RGS16: variants seen among roughly 807,000 people sequenced by gnomAD.
RGS16 encodes the protein regulator of G protein signaling 16.
In RGS16, 12 loss-of-function variants were observed where a neutral mutation model predicts 18.1. The ratio of observed to expected loss-of-function variants is 0.66; its 90% CI spans 0.42 to 1.07. The LOEUF (loss-of-function observed/expected upper bound fraction) is 1.07, where lower values mean the gene tolerates loss of function less well. Ranked by LOEUF, RGS16 falls within the 50% of genes least tolerant of loss-of-function variation. The probability of loss-of-function intolerance (pLI) is 0.00; values close to 1 mark genes in which losing one functional copy is unlikely to be tolerated. For missense variants in RGS16, 238 were observed against 249.2 expected (o/e 0.95, Z 0.30); for synonymous variants, 88 against 102.0 (o/e 0.86, Z 0.83).
In RGS16 at chr1:182,598,760, C is replaced by T. The variant is rs948477582; in HGVS notation, c.*1532G>A. The stretch of plus-strand genomic sequence containing the variant: ...TAAATATTTAAACAGTGAGGAGTTC[C>T]TGACAGGCTCCAAGAGGTTCCCAGC... On this transcript the variant is annotated 3_prime_UTR_variant, in exon 5 of 5. Transcript: ENST00000367558. 8 of 152,740 alleles carry T rather than the reference C, an allele frequency of 5.2e-5. No homozygotes were observed. In the East Asian group the frequency reaches 1.3e-3, roughly 26 times the overall value. 9.5% of individuals were successfully genotyped at this position (152,740 alleles called of 1,614,324 possible).
chr1:182,601,944 C>G (rs1227307567), intron 4 of RGS16, 22 bp downstream of exon 4: 2 of 1,613,936 alleles, frequency 1.2e-6, no homozygotes, highest in Non-Finnish European at 1.7e-6. Context: ...TGAGGATTCA[C>G]TGGGCATATG....
chr1:182,603,171 A>ATGAC, intron 2 of RGS16, 58 bp downstream of exon 2: 1 of 1,261,836 alleles, frequency 7.9e-7, no homozygotes, highest in Non-Finnish European at 1.2e-6. Context: ...TTCCCTCCTC[A>ATGAC]TGACTCCCTT....
intron 1 of RGS16, among the ~76,000 whole-genome samples, chr1:182,603,816 CAA>C (rs112870387): frequency 2.1e-5 from 3 of 143,560 alleles, no homozygotes; most frequent in Non-Finnish European, 3.1e-5. Context: ...CACACCCCAC[CAA>C]AAAAAAAAAA....
At chr1:182,601,063 C>T (rs2102380523) in intron 4 of RGS16, among the ~76,000 whole-genome samples, 1 of 152,364 alleles carries the variant, frequency 6.6e-6, no homozygotes, top group South Asian at 2.1e-4. Context: ...TACACAGGTC[C>T]ATTTGCTCAT....
Position 182,603,327 on chromosome 1 carries a change from G to A in RGS16, c.57C>T (p.Phe19=). ...PTTCLERAKE[F]KTRLGIFLHK... ...GAAGAAAGATCCCCAGACGTGTCTT[G>A]AACTCTTTGGCTCTGAAAAACAAAT... The change falls in exon 2 of 5, where the codon TTC becomes TTT. Residue 19 remains phenylalanine, a synonymous_variant. Coordinates refer to ENST00000367558, the MANE Select transcript of RGS16 (RefSeq NM_002928.4). 1.2e-6 allele frequency: 2 copies of A among 1,613,870 alleles called. No individual in the cohort carries two copies. Among genetic ancestry groups the A allele is most frequent in the Admixed American group, 3.3e-5 (2 of 60,022 alleles).
At chr1:182,600,803 CT>C (rs1258920645) in intron 4 of RGS16, among the ~76,000 whole-genome samples, 1 of 152,224 alleles carries the variant, frequency 6.6e-6, no homozygotes, top group Non-Finnish European at 1.5e-5. Context: ...ACTATCAGCT[CT>C]CCTGGGATTT....
Position 182,603,132 on chromosome 1 carries a change from A to G in RGS16, c.155+97T>C, listed in dbSNP as rs947338794. 3 of 876,190 alleles carry G rather than the reference A, an allele frequency of 3.4e-6. No individual in the cohort carries two copies. In the South Asian group the frequency reaches 4.2e-5, roughly 12 times the overall value. The allele number at this position is 876,190 out of a possible 1,614,324, so 54.3% of individuals were successfully genotyped here. A position where few individuals can be genotyped will look rare whatever the true frequency, so the allele number is the denominator to read the frequency against. On this transcript the variant is annotated intron_variant, in intron 2 of 4. Transcript: ENST00000367558. ...CTCTAGGGAGGTGTTGCCAAGGTCC[A>G]CTTAGCGTGTCCTGGCTTCTCCCTG...
At chr1:182,600,776 C>A (rs902117010) in intron 4 of RGS16, among the ~76,000 whole-genome samples, 1 of 152,228 alleles carries the variant, frequency 6.6e-6, no homozygotes, top group African/African-American at 2.4e-5. Flanking sequence ...TCTTCTACAG[C>A]AACCCTGCTT....
At chr1:182,601,915 G>C in intron 4 of RGS16, 51 bp downstream of exon 4, 1 of 1,605,928 alleles carries the variant, frequency 6.2e-7, no homozygotes, top group South Asian at 1.1e-5. Context: ...TCTCAGAGGG[G>C]AAGGAGCAGG....
rs538176054 is a variant in RGS16 at position 182,599,766 on chromosome 1, C to A, written c.*526G>T. 58 of 162,882 alleles carry A rather than the reference C, an allele frequency of 3.6e-4. No individual in the cohort carries two copies. The highest frequency in any genetic ancestry group is 6.5e-4 in the Non-Finnish European group (48 of 73,854). 10.1% of individuals were successfully genotyped at this position (162,882 alleles called of 1,614,324 possible). The stretch of plus-strand genomic sequence containing the variant: ...TACAAGCTAAGGGACTCTGGGCTAG[C>A]CCAGAGGCCAGTGAGGAGGGCCAAA... On this transcript the variant is annotated 3_prime_UTR_variant, in exon 5 of 5. Coordinates refer to ENST00000367558, the MANE Select transcript of RGS16 (RefSeq NM_002928.4).
At chr1:182,604,099 TCTCTA>T (rs1329335009) in intron 1 of RGS16, 112 bp downstream of exon 1, 4 of 1,033,386 alleles carry the variant, frequency 3.9e-6, no homozygotes, top group Non-Finnish European at 5.8e-6. Context: ...CGCTTCTACC[TCTCTA>T]CTCAAGCCTC....
At position 182,598,839 on chromosome 1, in the gene RGS16, T is replaced by G. The variant is rs1571276945; in HGVS notation, c.*1453A>C. On this transcript the variant is annotated 3_prime_UTR_variant, in exon 5 of 5. Transcript: ENST00000367558. ...AGGGAGACAGTCAGGCTGAAACCCC[T>G]GCTGAGATTCTCCAGTAGAGGCAAA... 1 of 152,736 alleles carries G rather than the reference T, an allele frequency of 6.5e-6. No homozygotes were observed. The highest frequency in any genetic ancestry group is 6.5e-5 in the Admixed American group (1 of 15,304). The allele number at this position is 152,736 out of a possible 1,614,324, so 9.5% of individuals were successfully genotyped here. A position where few individuals can be genotyped will look rare whatever the true frequency, so the allele number is the denominator to read the frequency against.
Position 182,600,082 on chromosome 1 carries a change from C to T in RGS16, c.*210G>A, listed in dbSNP as rs1014264469. The T allele has an allele frequency of 2.6e-5, 15 of 580,478 alleles. No homozygotes were observed. The highest frequency in any genetic ancestry group is 5.7e-5 in the African/African-American group (3 of 52,730). The allele number at this position is 580,478 out of a possible 1,614,324, so 36.0% of individuals were successfully genotyped here. A position where few individuals can be genotyped will look rare whatever the true frequency, so the allele number is the denominator to read the frequency against. ...CTTATTCACAGGTCCTGGAAGTGGG[C>T]GGCTCCTCTCCAGCATGAGTCCCAC... On this transcript the variant is annotated 3_prime_UTR_variant, in exon 5 of 5. Coordinates refer to ENST00000367558, the MANE Select transcript of RGS16 (RefSeq NM_002928.4).
In RGS16 at chr1:182,599,993, C is replaced by A. The variant is rs1195209901; in HGVS notation, c.*299G>T. On this transcript the variant is annotated 3_prime_UTR_variant, in exon 5 of 5. Transcript: ENST00000367558. ...TTCCTTCTCCGGTGAGAACGAGAGC[C>A]AGTGCTAACCCCCATACCACCTTTT... 1 of 438,990 alleles carries A rather than the reference C, an allele frequency of 2.3e-6. No individual in the cohort carries two copies. Among genetic ancestry groups the A allele is most frequent in the Non-Finnish European group, 4.1e-6 (1 of 242,910 alleles). 27.2% of individuals were successfully genotyped at this position (438,990 alleles called of 1,614,324 possible). A position where few individuals can be genotyped will look rare whatever the true frequency, so the allele number is the denominator to read the frequency against.
chr1:182,600,891 A>C (rs952175986), intron 4 of RGS16, among the ~76,000 whole-genome samples: 3 of 152,270 alleles, frequency 2.0e-5, no homozygotes, highest in Admixed American at 2.0e-4. Context: ...CAGTCGCTAC[A>C]GTGAGCCTTT....
intron 1 of RGS16, among the ~76,000 whole-genome samples, chr1:182,603,703 C>T (rs1410063552): frequency 6.6e-6 from 1 of 152,102 alleles, no homozygotes; most frequent in Non-Finnish European, 1.5e-5. Context: ...CTGATTCCTG[C>T]CTTCATCTTT....
chr1:182,602,250 A>C, intron 3 of RGS16, 118 bp from the exon 4 acceptor site: 1 of 1,240,708 alleles, frequency 8.1e-7, no homozygotes, highest in South Asian at 1.3e-5. Context: ...TTTCTTGAAC[A>C]ATGACCTGCC....
At chr1:182,602,219 G>A in intron 3 of RGS16, 87 bp from the exon 4 acceptor site, 1 of 1,426,622 alleles carries the variant, frequency 7.0e-7, no homozygotes, top group Non-Finnish European at 9.8e-7. Context: ...GCAATTAATG[G>A]CTCTATTTTT....
At chr1:182,601,311 G>A (rs114958673) in intron 4 of RGS16, among the ~76,000 whole-genome samples, 303 of 152,212 alleles carry the variant, frequency 2.0e-3, no homozygotes, top group Admixed American at 4.1e-3. Flanking sequence ...TTGGTTATTG[G>A]CATCTTCCCC....
Sources: allele counts gnomAD v4.1 joint callset (sites outside exome capture counted in the v4.1 genomes callset), GRCh38; gene constraint gnomAD v4.1.1; transcripts MANE v1.5; gene names NCBI Gene and HGNC (gene_info 2026-07-23, HGNC 2026-07-21).